The following FHIT variants were observed in gnomAD, a reference collection of about 807,000 sequenced individuals.
FHIT encodes fragile histidine triad diadenosine triphosphatase, also known as bis(5'-adenosyl)-triphosphatase.
A neutral mutation model predicts 17.9 loss-of-function variants in FHIT; 19 were observed. The ratio of observed to expected loss-of-function variants is 1.06; its 90% CI spans 0.74 to 1.56. The LOEUF (loss-of-function observed/expected upper bound fraction) is 1.56. FHIT is among the 40% of genes most tolerant of loss of function. The pLI, the probability that FHIT is intolerant of heterozygous loss-of-function variation, is 0.00. For synonymous variants in FHIT, 81 were observed against 69.7 expected, an observed-to-expected ratio of 1.16 and a Z score of -0.81; for missense variants, 248 against 189.2, an observed-to-expected ratio of 1.31 and a Z score of -1.82.
intron 5 of FHIT, among the ~76,000 whole-genome samples, chr3:60,244,892 T>A (rs532369838): frequency 6.6e-6 from 1 of 151,988 alleles, no homozygotes; most frequent in African/African-American, 2.4e-5. Flanking sequence ...AAATTATTAC[T>A]GTCTGTCAAT....
intron 5 of FHIT, among the ~76,000 whole-genome samples, chr3:60,447,467 T>C (rs961240556): frequency 6.6e-6 from 1 of 152,266 alleles, no homozygotes; most frequent in East Asian, 1.9e-4. Context: ...CCAAACAACA[T>C]GACAACTCAT....
intron 5 of FHIT, among the ~76,000 whole-genome samples, chr3:60,322,258 T>C (rs367604305): frequency 1.3e-5 from 2 of 152,222 alleles, no homozygotes; most frequent in Non-Finnish European, 2.9e-5. Flanking sequence ...CTTTTTCTAA[T>C]AGTAGTACAT....
intron 5 of FHIT, among the ~76,000 whole-genome samples, chr3:60,348,614 A>G (rs1710917022): frequency 6.6e-6 from 1 of 151,968 alleles, no homozygotes; most frequent in African/African-American, 2.4e-5. Flanking sequence ...ACTTGGCAAT[A>G]AGTCACAGGC....
intron 5 of FHIT, among the ~76,000 whole-genome samples, chr3:60,086,923 G>A (rs185699948): frequency 6.6e-6 from 1 of 152,304 alleles, no homozygotes; most frequent in East Asian, 1.9e-4. Context: ...AGCTCCACTA[G>A]GAACCCTGAT....
intron 5 of FHIT, among the ~76,000 whole-genome samples, chr3:60,087,211 G>A (rs899815840): frequency 2.0e-5 from 3 of 152,142 alleles, no homozygotes; most frequent in Non-Finnish European, 2.9e-5. Flanking sequence ...GCAGCCCAGG[G>A]CAGCAATACT....
chr3:60,550,544 G>C (rs1002660047), intron 4 of FHIT, among the ~76,000 whole-genome samples: 2 of 151,230 alleles, frequency 1.3e-5, no homozygotes, highest in African/African-American at 4.9e-5. Context: ...AAAACACCTA[G>C]GTATTTCAAA....
At chr3:60,011,754 A>G (rs1379497112) in intron 6 of FHIT, among the ~76,000 whole-genome samples, 1 of 152,186 alleles carries the variant, frequency 6.6e-6, no homozygotes, top group African/African-American at 2.4e-5. Flanking sequence ...TGGTTTAATT[A>G]ATGTCTGATT....
At chr3:60,719,461 T>A (rs756623607) in intron 4 of FHIT, among the ~76,000 whole-genome samples, 1 of 152,282 alleles carries the variant, frequency 6.6e-6, no homozygotes, top group South Asian at 2.1e-4. Context: ...TTTCAGGAGC[T>A]GTAGAGTTTA....
intron 2 of FHIT, among the ~76,000 whole-genome samples, chr3:61,097,590 T>C (rs1279636029): frequency 4.6e-5 from 7 of 152,200 alleles, no homozygotes; most frequent in Non-Finnish European, 8.8e-5. Context: ...CATTCCTTTT[T>C]TTCCACACCC....
chr3:59,909,385 A>G (rs1704755012), intron 8 of FHIT, among the ~76,000 whole-genome samples: 1 of 151,978 alleles, frequency 6.6e-6, no homozygotes, highest in Non-Finnish European at 1.5e-5. Context: ...GCTAGAATGC[A>G]GTGGCATGAT....
At chr3:61,250,159 G>A (rs1043569341) in intron 1 of FHIT, among the ~76,000 whole-genome samples, 1 of 152,216 alleles carries the variant, frequency 6.6e-6, no homozygotes, top group Non-Finnish European at 1.5e-5. Flanking sequence ...ACATCTCGCC[G>A]TGCAAAATGG....
intron 5 of FHIT, among the ~76,000 whole-genome samples, chr3:60,474,280 C>A (rs886862121): frequency 1.3e-5 from 2 of 152,148 alleles, no homozygotes; most frequent in African/African-American, 4.8e-5. Flanking sequence ...GGAAAAGGAA[C>A]ATGTGTTCAT....
chr3:60,835,936 G>C (rs1385215008), intron 3 of FHIT, among the ~76,000 whole-genome samples: 1 of 152,182 alleles, frequency 6.6e-6, no homozygotes, highest in Non-Finnish European at 1.5e-5. Flanking sequence ...TTAAGAGTTG[G>C]TTTTGTGTTT....
intron 5 of FHIT, among the ~76,000 whole-genome samples, chr3:60,046,474 C>T (rs530801677): frequency 5.3e-5 from 8 of 152,296 alleles, no homozygotes; most frequent in Middle Eastern, 6.8e-3. Context: ...CAGAAGTTTG[C>T]GCAGCACCTG....
At chr3:60,906,050 G>T in intron 3 of FHIT, among the ~76,000 whole-genome samples, 1 of 152,006 alleles carries the variant, frequency 6.6e-6, no homozygotes, top group Middle Eastern at 3.2e-3. Flanking sequence ...GACATAAATG[G>T]ATCTAATGAT....
chr3:59,929,037 A>C (rs552767935), intron 7 of FHIT, among the ~76,000 whole-genome samples: 11 of 150,822 alleles, frequency 7.3e-5, no homozygotes, highest in African/African-American at 2.2e-4. Flanking sequence ...ATAATAACAA[A>C]TGCTGGCAAG....
intron 5 of FHIT, among the ~76,000 whole-genome samples, chr3:60,266,633 C>A (rs1042498190): frequency 2.6e-5 from 4 of 152,006 alleles, no homozygotes; most frequent in African/African-American, 9.7e-5. Flanking sequence ...ATCCCATCTC[C>A]CACTCCTGAT....
intron 5 of FHIT, among the ~76,000 whole-genome samples, chr3:60,064,810 T>C (rs1702432780): frequency 1.3e-5 from 2 of 152,222 alleles, no homozygotes; most frequent in Admixed American, 6.5e-5. Flanking sequence ...AACTCTCTAA[T>C]ACACTGACAC....
In FHIT at chr3:60,843,576, A is replaced by G. The variant is rs1193268072; in HGVS notation, c.-110-21565T>C. 2.6e-5 allele frequency among the ~76,000 whole-genome samples: 4 copies of G among 152,280 alleles called. No homozygotes were observed. The South Asian group carries it at 6.2e-4, about 24-fold the overall frequency. On this transcript the variant is annotated intron_variant, in intron 3 of 9. Coordinates refer to ENST00000492590, the MANE Select transcript of FHIT (RefSeq NM_002012.4). ...GTGCTGGATTTTGAAACTTTTGAGC[A>G]TTTGCTCCCAAAGTGAAATTTAAAA... is the stretch of plus-strand genomic sequence containing the variant.
Sources: allele counts gnomAD v4.1 joint callset (sites outside exome capture counted in the v4.1 genomes callset), GRCh38; gene constraint gnomAD v4.1.1; transcripts MANE v1.5; gene names NCBI Gene and HGNC (gene_info 2026-07-23, HGNC 2026-07-21).